Variants in UMODL1 observed in about 807,000 individuals in gnomAD.
UMODL1 encodes uromodulin like 1, also known as uromodulin-like 1.
UMODL1 carries 128 observed loss-of-function variants against 136.3 expected under a neutral mutation model. The observed-to-expected ratio is 0.94, with a 90% CI of 0.81 to 1.09. The LOEUF (loss-of-function observed/expected upper bound fraction) is 1.09. UMODL1 is among the 50% of genes least tolerant of loss of function. The pLI, the probability that UMODL1 is intolerant of heterozygous loss-of-function variation, is 0.00. For missense variants in UMODL1, 1,766 were observed against 1,725.6 expected (o/e 1.02, Z -0.41); for synonymous variants, 721 against 720.0 (o/e 1.00, Z -0.02).
rs1170827251 is a variant in UMODL1, at chr21:42,085,381, T to A, written c.572T>A (p.Leu191His). ...FKELQQVDPR[L>H]LNHMRLLHSL... The stretch of plus-strand genomic sequence containing the variant: ...GAACTCCAGCAAGTGGACCCCAGGC[T>A]CCTGAACCACATGCGCCTTCTGCAT... Residue 191 changes from leucine (L) to histidine (H), a missense_variant, in exon 4 of 23, where the codon CTC (leucine) becomes CAC (histidine). Transcript: ENST00000408910. This position sits in a 1 kb window ranked among gnomAD's most constrained non-coding sequence, Gnocchi z 4.5. 3 of 1,613,914 alleles carry A rather than the reference T, an allele frequency of 1.9e-6. No homozygotes were observed. The South Asian group carries it at 3.3e-5, about 18-fold the overall frequency.
At chr21:42,116,635 G>A (rs1347523624) in intron 14 of UMODL1, among the ~76,000 whole-genome samples, 4 of 150,774 alleles carry the variant, frequency 2.7e-5, no homozygotes, top group African/African-American at 9.8e-5. Flanking sequence ...TTTTAAACCT[G>A]TAAAAAATGA....
At chr21:42,119,368 G>A (rs1367404289) in intron 15 of UMODL1, 44 bp downstream of exon 15, 23 of 1,572,622 alleles carry the variant, frequency 1.5e-5, no homozygotes, top group Non-Finnish European at 2.0e-5. Context: ...TCTGGAACCA[G>A]AGGCAGCCAG....
chr21:42,120,564 A>C (rs891463859), intron 15 of UMODL1: 30 of 152,528 alleles, frequency 2.0e-4, no homozygotes, highest in African/African-American at 6.5e-4. Context: ...CTATGCTCTC[A>C]GAGCATGCCT....
At chr21:42,105,009 C>T (rs1310606099) in intron 9 of UMODL1, among the ~76,000 whole-genome samples, 1 of 152,306 alleles carries the variant, frequency 6.6e-6, no homozygotes, top group African/African-American at 2.4e-5. Context: ...GGTCGTCTCC[C>T]GGGGTGCTGG....
intron 5 of UMODL1, among the ~76,000 whole-genome samples, chr21:42,089,480 G>A (rs543302250): frequency 2.0e-4 from 31 of 152,262 alleles, no homozygotes; most frequent in Non-Finnish European, 4.6e-4. Flanking sequence ...GGGTGGACCA[G>A]TTGAGTTTAT....
At chr21:42,106,462 G>C (rs11203185) in intron 9 of UMODL1, among the ~76,000 whole-genome samples, 48,423 of 152,070 alleles carry the variant, frequency 0.32, 7,970 homozygotes, top group African/African-American at 0.4. Flanking sequence ...ACTCCCTGCC[G>C]GTGCGTCCAC....
intron 22 of UMODL1, among the ~76,000 whole-genome samples, chr21:42,139,756 G>A (rs1030910673): frequency 6.6e-6 from 1 of 152,070 alleles, no homozygotes; most frequent in Non-Finnish European, 1.5e-5. Flanking sequence ...ACATTTCCTC[G>A]TAACTCTATC....
Position 42,111,221 on chromosome 21 carries a change from A to G in UMODL1, c.1899+100A>G, listed in dbSNP as rs566694501. 7.2e-6 allele frequency: 11 copies of G among 1,524,794 alleles called. No individual in the cohort carries two copies. In the African/African-American group the frequency reaches 1.6e-4, roughly 22 times the overall value. 94.5% of individuals were successfully genotyped at this position (1,524,794 alleles called of 1,614,324 possible). Reference sequence around the variant, plus strand: ...CAGCCAGGGGAGCCTCAGACAGGAGAGTACCAGCCAGGCGAGCCCCAGCCA... The same window carrying G: ...CAGCCAGGGGAGCCTCAGACAGGAGGGTACCAGCCAGGCGAGCCCCAGCCA... On this transcript the variant is annotated intron_variant, in intron 11 of 22. Transcript: ENST00000408910.
rs2066451367 is a variant in UMODL1, at chr21:42,088,387, G to A, written c.697G>A (p.Gly233Ser). 2.5e-6 allele frequency: 4 copies of A among 1,613,820 alleles called. No individual in the cohort carries two copies. Among genetic ancestry groups the A allele is most frequent in the Middle Eastern group, 1.6e-4 (1 of 6,062 alleles). ...ASTTVSRLLL[G>S]LPRPLPVADV... ...CACCACAGTGTCGCGGCTGCTACTG[G>A]GCCTGCCACGGCCACTGCCTGTGGC... The change falls in exon 5 of 23, where the codon GGC becomes AGC. Residue 233 changes from glycine (G) to serine (S), a missense_variant. Transcript: ENST00000408910.
chr21:42,116,616 GT>G (rs34717803), intron 14 of UMODL1, among the ~76,000 whole-genome samples: 10,172 of 145,424 alleles, frequency 0.07, 362 homozygotes, highest in East Asian at 0.15. Context: ...TCCCTCCACG[GT>G]TTTTTTTTTT....
chr21:42,115,470 A>G (rs1297048225), intron 13 of UMODL1, among the ~76,000 whole-genome samples: 1 of 152,248 alleles, frequency 6.6e-6, no homozygotes, highest in Non-Finnish European at 1.5e-5. Context: ...GTCCTGTTAT[A>G]CCTGGGACAG....
At chr21:42,139,574 C>T (rs192437189) in intron 22 of UMODL1, among the ~76,000 whole-genome samples, 1 of 152,266 alleles carries the variant, frequency 6.6e-6, no homozygotes, top group Admixed American at 6.5e-5. Flanking sequence ...TCTCAGCCAA[C>T]AGGAGAACAA....
intron 10 of UMODL1, among the ~76,000 whole-genome samples, chr21:42,110,465 C>T (rs220124): frequency 0.3 from 45,388 of 152,068 alleles, 6,819 homozygotes; most frequent in East Asian, 0.36. Context: ...TTTTCTCATT[C>T]GCCTAATGTC....
chr21:42,109,107 G>C (rs1356051575), intron 9 of UMODL1, among the ~76,000 whole-genome samples: 1 of 104,942 alleles, frequency 9.5e-6, no homozygotes, highest in Non-Finnish European at 1.9e-5. Flanking sequence ...TGGAAAGCTG[G>C]TGTTATACTC....
At chr21:42,071,053 C>A (rs753189941), upstream of UMODL1, among the ~76,000 whole-genome samples, 5 of 152,214 alleles carry the variant, frequency 3.3e-5, no homozygotes. Flanking sequence ...CTAAAAGATG[C>A]CATCTGCTTG....
chr21:42,115,924 A>G lies in UMODL1; in HGVS notation c.2414A>G (p.Glu805Gly). The G allele has an allele frequency of 6.2e-7, 1 of 1,614,092 alleles. No homozygotes were observed. The highest frequency in any genetic ancestry group is 8.5e-7 in the Non-Finnish European group (1 of 1,180,020). ...KVRIKNVRYSESFRNASSQEY... is the reference protein window; with the variant it reads ...KVRIKNVRYSGSFRNASSQEY... Reference sequence around the variant, plus strand: ...AGAATCAAAAATGTCAGGTACTCAGAATCCTTTCGCAACGCAAGCAGCCAG... The same window carrying G: ...AGAATCAAAAATGTCAGGTACTCAGGATCCTTTCGCAACGCAAGCAGCCAG... The change falls in exon 14 of 23, where the codon GAA becomes GGA. Residue 805 changes from glutamate to glycine, a missense_variant. Physicochemically the swap from Glu to Gly is moderately conservative, Grantham distance 98. Transcript: ENST00000408910.
rs976228134 is a variant in UMODL1, at chr21:42,123,999, C to T, written c.3147+849C>T. 4.6e-5 allele frequency among the ~76,000 whole-genome samples: 7 copies of T among 152,170 alleles called. No individual in the cohort carries two copies. The highest frequency in any genetic ancestry group is 1.7e-4 in the African/African-American group (7 of 41,424). On this transcript the variant is annotated intron_variant, in intron 17 of 22. Transcript: ENST00000408910. The surrounding 1 kb of genome is among the most constrained non-coding windows in gnomAD (Gnocchi z 4.4). ...CTGTGTGCACAGATGGGCTCTGGCA[C>T]CTCCCCTTGCAGGTGACTCTGGGCC... is the stretch of plus-strand genomic sequence containing the variant.
rs765740165 is a variant in UMODL1, at chr21:42,110,896, C to T, written c.1674C>T (p.Pro558=). 3.1e-6 allele frequency: 5 copies of T among 1,608,426 alleles called. No individual in the cohort carries two copies. In the East Asian group the frequency reaches 6.7e-5, roughly 22 times the overall value. Residue 558 remains proline (P), a synonymous_variant, in exon 11 of 23, where the codon CCC becomes CCT. Coordinates refer to ENST00000408910, the MANE Select transcript of UMODL1 (RefSeq NM_001004416.3). ...GRACEGDLVS[P]MGGGLSAATG... ...TCTTGGCAGGTGACCTGGTGAGCCC[C>T]ATGGGCGGTGGACTGTCTGCGGCAA...
chr21:42,128,433 G>A (rs903397842), intron 20 of UMODL1, among the ~76,000 whole-genome samples: 1 of 152,192 alleles, frequency 6.6e-6, no homozygotes, highest in African/African-American at 2.4e-5. Context: ...AGGGAGCTCC[G>A]CTGCTTTTTG....
Sources: allele counts gnomAD v4.1 joint callset (sites outside exome capture counted in the v4.1 genomes callset), GRCh38; gene constraint gnomAD v4.1.1; non-coding constraint Gnocchi (gnomAD v3.1); transcripts MANE v1.5; gene names NCBI Gene and HGNC (gene_info 2026-07-23, HGNC 2026-07-21).